SGCD: variants seen among roughly 807,000 people sequenced by gnomAD.
SGCD encodes the protein sarcoglycan delta, also known as delta-sarcoglycan.
Under a neutral mutation model 36.6 loss-of-function variants are expected in SGCD, and 18 were observed. The ratio of observed to expected loss-of-function variants is 0.49; its 90% confidence interval spans 0.34 to 0.73. The LOEUF (loss-of-function observed/expected upper bound fraction) is 0.73, where lower values mean the gene tolerates loss of function less well. SGCD is among the 30% of genes least tolerant of loss of function. The pLI, the probability that SGCD is intolerant of heterozygous loss-of-function variation, is 0.01. For missense variants in SGCD, 387 were observed against 346.7 expected (o/e 1.12, Z -0.92); for synonymous variants, 133 against 130.6 (o/e 1.02, Z -0.12).
intron 3 of SGCD, among the ~76,000 whole-genome samples, chr5:156,348,742 G>GA (rs1188665736): frequency 1.2e-4 from 18 of 152,110 alleles, no homozygotes; most frequent in African/African-American, 3.9e-4. Flanking sequence ...CACAGAATTA[G>GA]AAAAAACATT....
chr5:156,743,862 C>G (rs527808316), intron 7 of SGCD, among the ~76,000 whole-genome samples: 1 of 152,222 alleles, frequency 6.6e-6, no homozygotes, highest in Middle Eastern at 3.4e-3. Flanking sequence ...TCAAAGTGAC[C>G]CTTATTTGAC....
chr5:155,735,996 A>C, the SGCD span, among the ~76,000 whole-genome samples: 2 of 152,296 alleles, frequency 1.3e-5, no homozygotes, highest in South Asian at 4.1e-4. Context: ...CTTTCTTCTT[A>C]ACCCTTTTTT....
At chr5:156,173,110 A>T (rs1763381458) in intron 3 of SGCD, among the ~76,000 whole-genome samples, 1 of 152,150 alleles carries the variant, frequency 6.6e-6, no homozygotes, top group Non-Finnish European at 1.5e-5. Context: ...TGACATAGGC[A>T]AGTCAATATT....
chr5:156,676,766 G>A (rs61610409), intron 7 of SGCD, among the ~76,000 whole-genome samples: 4,059 of 152,220 alleles, frequency 0.027, 180 homozygotes, highest in African/African-American at 0.092. Context: ...CAGCTGAATG[G>A]GTGAACTCTA....
In SGCD at chr5:156,453,555, T is replaced by C. The variant is rs1754120329; in HGVS notation, c.193-55046T>C. Among the ~76,000 whole-genome samples the C allele has an allele frequency of 3.3e-5, 5 of 152,082 alleles. 1 individual carries two copies. In the South Asian group the frequency reaches 8.3e-4, roughly 25 times the overall value. On this transcript the variant is annotated intron_variant, in intron 3 of 8. Transcript: ENST00000337851. The stretch of plus-strand genomic sequence containing the variant: ...ACCAGTGATGCTCAACCAGGGGTGG[T>C]TTTGCTCTCTGAGGGGACATTTTAC...
intron 1 of SGCD, among the ~76,000 whole-genome samples, chr5:155,929,103 A>T (rs186206410): frequency 3.2e-4 from 48 of 152,296 alleles, no homozygotes; most frequent in Non-Finnish European, 6.3e-4. Context: ...ATGACCTTCT[A>T]ATTCTAATCC....
chr5:156,223,843 C>T (rs556087289), intron 3 of SGCD, among the ~76,000 whole-genome samples: 9 of 151,922 alleles, frequency 5.9e-5, no homozygotes, highest in African/African-American at 1.9e-4. Flanking sequence ...GCAAGGGCAA[C>T]CATGAATGAA....
chr5:156,168,893 A>C (rs1314746346), intron 3 of SGCD, among the ~76,000 whole-genome samples: 2 of 152,202 alleles, frequency 1.3e-5, no homozygotes, highest in African/African-American at 4.8e-5. Flanking sequence ...ATGAGCAGTC[A>C]CTCAGCTGCT....
intron 1 of SGCD, among the ~76,000 whole-genome samples, chr5:155,970,918 C>A (rs897786227): frequency 1.2e-4 from 18 of 152,116 alleles, no homozygotes; most frequent in African/African-American, 3.9e-4. Context: ...TCTTCTTAGG[C>A]AATTCAGTGA....
intron 3 of SGCD, among the ~76,000 whole-genome samples, chr5:156,131,648 A>G (rs1351613845): frequency 6.6e-6 from 1 of 152,206 alleles, no homozygotes; most frequent in Non-Finnish European, 1.5e-5. Flanking sequence ...GTGTTTTATT[A>G]TAAGAATTTG....
At chr5:155,834,215 G>A in the SGCD span, among the ~76,000 whole-genome samples, 2 of 151,956 alleles carry the variant, frequency 1.3e-5, no homozygotes, top group Admixed American at 6.6e-5. Context: ...TCCAAGGCAG[G>A]AACTGTGTCC....
chr5:156,363,891 A>G (rs1051428070), intron 3 of SGCD, among the ~76,000 whole-genome samples: 13 of 152,208 alleles, frequency 8.5e-5, no homozygotes, highest in African/African-American at 3.1e-4. Context: ...TGTCTTTCCC[A>G]GGAGCACACA....
intron 3 of SGCD, among the ~76,000 whole-genome samples, chr5:156,150,235 C>T (rs1581131276): frequency 1.4e-5 from 2 of 147,874 alleles, no homozygotes; most frequent in East Asian, 3.9e-4. Context: ...CAACTAAAGC[C>T]TTTGCCGGTG....
At chr5:156,360,640 G>A (rs1404174941) in intron 3 of SGCD, among the ~76,000 whole-genome samples, 1 of 151,930 alleles carries the variant, frequency 6.6e-6, no homozygotes. Flanking sequence ...TGCCTATAAA[G>A]ACTCCAGACT....
At chr5:155,771,614 G>A in the SGCD span, among the ~76,000 whole-genome samples, 2 of 151,712 alleles carry the variant, frequency 1.3e-5, no homozygotes, top group African/African-American at 2.4e-5. Flanking sequence ...TAGTAGAGAT[G>A]GGGTTTCACC....
At chr5:155,856,953 G>T in the SGCD span, among the ~76,000 whole-genome samples, 3 of 152,176 alleles carry the variant, frequency 2.0e-5, no homozygotes, top group Admixed American at 6.6e-5. Flanking sequence ...AGTTAAACAG[G>T]CCAGGTGCAG....
chr5:156,025,517 T>A (rs1278735954), intron 1 of SGCD, among the ~76,000 whole-genome samples: 1 of 152,200 alleles, frequency 6.6e-6, no homozygotes, highest in Non-Finnish European at 1.5e-5. Flanking sequence ...TCAAGATGGG[T>A]CCATCCTTTG....
At chr5:155,822,356 TC>T in the SGCD span, among the ~76,000 whole-genome samples, 5 of 152,212 alleles carry the variant, frequency 3.3e-5, no homozygotes, top group Non-Finnish European at 5.9e-5. Flanking sequence ...AGGCTGGGTT[TC>T]AGCCCCTACT....
intron 1 of SGCD, among the ~76,000 whole-genome samples, chr5:155,897,481 T>TAC (rs1756291575): frequency 6.6e-6 from 1 of 152,178 alleles, no homozygotes; most frequent in Non-Finnish European, 1.5e-5. Flanking sequence ...AAAACATACA[T>TAC]ATTTATTTTC....
Sources: allele counts gnomAD v4.1 joint callset (sites outside exome capture counted in the v4.1 genomes callset), GRCh38; gene constraint gnomAD v4.1.1; transcripts MANE v1.5; gene names NCBI Gene and HGNC (gene_info 2026-07-23, HGNC 2026-07-21).